The following ANKRD11 variants were observed in gnomAD, a reference collection of about 807,000 sequenced individuals.
ANKRD11 encodes the protein ankyrin repeat domain-containing protein 11.
In ANKRD11, 17 loss-of-function variants were observed where a neutral mutation model predicts 195.7. That is an observed-to-expected ratio of 0.09 (90% CI 0.06 to 0.13). ANKRD11 has a LOEUF of 0.13. Ranked by LOEUF, ANKRD11 falls within the 10% of genes least tolerant of loss-of-function variation. The probability of loss-of-function intolerance (pLI) is 1.00; values close to 1 mark genes in which losing one functional copy is unlikely to be tolerated. For missense variants in ANKRD11, 3,735 were observed against 3,566.1 expected, an observed-to-expected ratio of 1.05 and a Z score of -1.21; for synonymous variants, 1,953 against 1,528.1, an observed-to-expected ratio of 1.28 and a Z score of -6.49.
In ANKRD11 at chr16:89,279,495, C is replaced by T; in HGVS notation, c.7047G>A (p.Lys2349=). Residue 2349 remains lysine, a synonymous_variant, in exon 9 of 13, where the codon AAG becomes AAA. Transcript: ENST00000301030. This position sits in a 1 kb window ranked among gnomAD's most constrained non-coding sequence, Gnocchi z 5.6. ...CCTTCTCGGAGGGGGGCGGGCCCTG[C>T]TTGCTCTGGTTCGCGAGCATCTGCG... ...NRAQMLANQS[K]QGPPPSEKEC... 5 of 1,366,160 alleles carry T rather than the reference C, an allele frequency of 3.7e-6. No individual in the cohort carries two copies. The highest frequency in any genetic ancestry group is 5.0e-6 in the Non-Finnish European group (5 of 1,003,652). The allele number at this position is 1,366,160 out of a possible 1,614,324, so 84.6% of individuals were successfully genotyped here.
intron 3 of ANKRD11, among the ~76,000 whole-genome samples, chr16:89,316,336 C>G (rs2036954060): frequency 6.6e-6 from 1 of 152,124 alleles, no homozygotes; most frequent in Admixed American, 6.5e-5. Flanking sequence ...GGCGTCTCCC[C>G]TCACAGTGCA....
At chr16:89,435,199 C>T (rs946786770) in intron 1 of ANKRD11, among the ~76,000 whole-genome samples, 1 of 152,148 alleles carries the variant, frequency 6.6e-6, no homozygotes, top group Non-Finnish European at 1.5e-5. Context: ...CCAATCAGCA[C>T]TCTGTGTCTA....
chr16:89,305,426 G>T, intron 3 of ANKRD11, 82 bp from the exon 4 acceptor site: 1 of 1,587,676 alleles, frequency 6.3e-7, no homozygotes, highest in African/African-American at 1.3e-5. Flanking sequence ...TATGCCAGGA[G>T]AAGCGCATCT....
rs1018742408 is a variant in ANKRD11 at position 89,284,429 on chromosome 16, A to T, written c.2113T>A (p.Leu705Ile). The T allele has an allele frequency of 1.9e-6, 3 of 1,612,708 alleles. No individual in the cohort carries two copies. The African/African-American group carries it at 4.0e-5, about 22-fold the overall frequency. The change falls in exon 9 of 13, where the codon TTA becomes ATA. Residue 705 changes from leucine (L) to isoleucine (I), a missense_variant. Leu to Ile is a conservative substitution (Grantham distance 5). Coordinates refer to ENST00000301030, the MANE Select transcript of ANKRD11 (RefSeq NM_013275.6). ...KKEEKLSKMK[L>I]EEKEWLFKDE... ...TTAAAGAGCCATTCTTTTTCTTCTAATTTCATTTTGCTAAGTTTCTCTTCT... is the reference window on the plus strand; with the variant it reads ...TTAAAGAGCCATTCTTTTTCTTCTATTTTCATTTTGCTAAGTTTCTCTTCT...
intron 1 of ANKRD11, among the ~76,000 whole-genome samples, chr16:89,432,279 C>A (rs1010368397): frequency 2.7e-5 from 4 of 145,616 alleles, no homozygotes; most frequent in African/African-American, 5.2e-5. Context: ...ACACACACAC[C>A]CCTGGAAAAT....
In ANKRD11 at chr16:89,280,491, G is replaced by A. The variant is rs1411036457; in HGVS notation, c.6051C>T (p.Ala2017=). The A allele has an allele frequency of 4.4e-6, 7 of 1,585,466 alleles. No homozygotes were observed. The highest frequency in any genetic ancestry group is 4.3e-6 in the Non-Finnish European group (5 of 1,166,592). ...CGTACGGGGCAGGAGAGGCGGGAGG[G>A]GCGGGGTACGGCGCCTCCGAGGCGC... ...PFSASEAPYP[A]PPASPAPYAL... Residue 2017 remains alanine, a synonymous_variant, in exon 9 of 13, where the codon GCC becomes GCT. Transcript: ENST00000301030.
At chr16:89,312,995 G>A (rs1044442712) in intron 3 of ANKRD11, among the ~76,000 whole-genome samples, 2 of 152,138 alleles carry the variant, frequency 1.3e-5, no homozygotes, top group Non-Finnish European at 2.9e-5. Flanking sequence ...GCTGAGACTC[G>A]CTGGAGGGCT....
At chr16:89,272,906 CAT>C (rs2033291294) in intron 11 of ANKRD11, 1 of 152,076 alleles carries the variant, frequency 6.6e-6, no homozygotes, top group Admixed American at 6.6e-5. Context: ...CAAAGACAAA[CAT>C]CACATGTTCT....
At chr16:89,442,794 C>G (rs2043581506) in intron 1 of ANKRD11, among the ~76,000 whole-genome samples, 1 of 152,180 alleles carries the variant, frequency 6.6e-6, no homozygotes, top group Non-Finnish European at 1.5e-5. Context: ...GTGCCCTATT[C>G]TCACTCCAAC....
intron 1 of ANKRD11, among the ~76,000 whole-genome samples, chr16:89,430,810 A>G (rs942156306): frequency 6.6e-6 from 1 of 152,192 alleles, no homozygotes; most frequent in African/African-American, 2.4e-5. Flanking sequence ...TTCTTAAGAC[A>G]AAAGGGAGTT....
At chr16:89,288,434 C>T (rs760682294) in intron 7 of ANKRD11, 94 bp downstream of exon 7, 4 of 1,588,224 alleles carry the variant, frequency 2.5e-6, no homozygotes, top group Non-Finnish European at 2.6e-6. Flanking sequence ...CTGTGCCCCA[C>T]ATCATGGAAC....
intron 2 of ANKRD11, among the ~76,000 whole-genome samples, chr16:89,405,091 T>C (rs544322005): frequency 4.2e-4 from 64 of 151,842 alleles, no homozygotes; most frequent in African/African-American, 1.4e-3. Flanking sequence ...ACAGGACAAC[T>C]GCCCACACCA....
Position 89,285,184 on chromosome 16 carries a change from T to G in ANKRD11, c.1358A>C (p.Lys453Thr). 6.2e-7 allele frequency: 1 copy of G among 1,613,512 alleles called. No individual in the cohort carries two copies. Among genetic ancestry groups the G allele is most frequent in the Non-Finnish European group, 8.5e-7 (1 of 1,180,010 alleles). Residue 453 changes from lysine (K) to threonine (T), a missense_variant, in exon 9 of 13, where the codon AAA (lysine) becomes ACA (threonine). By Grantham distance (78) the Lys-to-Thr change is moderately conservative (BLOSUM62 -1). Transcript: ENST00000301030. The surrounding 1 kb of genome is among the most constrained non-coding windows in gnomAD (Gnocchi z 5.6). ...SNAKQQKEKN[K>T]VKKKRKKETK... ...TTCTTTCTTTCGCTTCTTTTTCACT[T>G]TATTTTTTTCCTTCTGCTGCTTGGC...
chr16:89,280,476 AGGAGAGGCG>A lies in ANKRD11; in HGVS notation c.6057_6065del (p.Ser2021_Ala2023del). 1.2e-6 allele frequency: 2 copies of A among 1,603,112 alleles called. No homozygotes were observed. The highest frequency in any genetic ancestry group is 1.3e-5 in the African/African-American group (1 of 74,784). Reference sequence around the variant, plus strand: ...CAGCGACGGGCAGAGCGTACGGGGCAGGAGAGGCGGGAGGGGCGGGGTACGGCGCCTCCG... The same window carrying A: ...CAGCGACGGGCAGAGCGTACGGGGCAGGAGGGGCGGGGTACGGCGCCTCCG... On this transcript the variant is annotated inframe_deletion, in exon 9 of 13. Coordinates refer to ENST00000301030, the MANE Select transcript of ANKRD11 (RefSeq NM_013275.6).
intron 1 of ANKRD11, among the ~76,000 whole-genome samples, chr16:89,433,608 AGAGAAG>A (rs1419513133): frequency 6.6e-6 from 1 of 152,192 alleles, no homozygotes; most frequent in Non-Finnish European, 1.5e-5. Flanking sequence ...CCAGAGTAAG[AGAGAAG>A]GAACGGGCTT....
intron 2 of ANKRD11, among the ~76,000 whole-genome samples, chr16:89,374,280 T>C (rs1310343607): frequency 2.6e-5 from 4 of 152,070 alleles, no homozygotes; most frequent in Non-Finnish European, 5.9e-5. Flanking sequence ...TCTCTTCACT[T>C]AAAAAATATT....
rs757166671 is a variant in ANKRD11 at position 89,282,365 on chromosome 16, C to T, written c.4177G>A (p.Glu1393Lys). 1.9e-6 allele frequency: 3 copies of T among 1,614,212 alleles called. No homozygotes were observed. Among genetic ancestry groups the T allele is most frequent in the African/African-American group, 1.3e-5 (1 of 75,050 alleles). The change falls in exon 9 of 13, where the codon GAA (glutamate) becomes AAA (lysine). Residue 1393 changes from glutamate to lysine, a missense_variant. Transcript: ENST00000301030. ...GCATCCGCCTCCAGGAAGTCCTTTT[C>T]GTACTGGCCGGAGTCCTTCCTGCTA... Reference protein sequence around the residue: ...GGSRKDSGQYEKDFLEADAYG... With the variant: ...GGSRKDSGQYKKDFLEADAYG...
At chr16:89,435,800 A>T (rs1412099045) in intron 1 of ANKRD11, among the ~76,000 whole-genome samples, 2 of 139,670 alleles carry the variant, frequency 1.4e-5, no homozygotes, top group South Asian at 2.2e-4. Flanking sequence ...AGCTCTTCAC[A>T]CACACACACA....
chr16:89,365,981 T>C (rs535652780), intron 2 of ANKRD11, among the ~76,000 whole-genome samples: 4 of 152,044 alleles, frequency 2.6e-5, no homozygotes, highest in Non-Finnish European at 5.9e-5. Context: ...TGTCCCTGCA[T>C]TGGTTTGTTA....
Sources: allele counts gnomAD v4.1 joint callset (sites outside exome capture counted in the v4.1 genomes callset), GRCh38; gene constraint gnomAD v4.1.1; non-coding constraint Gnocchi (gnomAD v3.1); transcripts MANE v1.5; gene names NCBI Gene and HGNC (gene_info 2026-07-23, HGNC 2026-07-21).